The following CSMD1 variants were observed in gnomAD, a reference collection of about 807,000 sequenced individuals.
The protein encoded by CSMD1 is CUB and sushi domain-containing protein 1.
A neutral mutation model predicts 417.5 loss-of-function variants in CSMD1; 213 were observed. The ratio of observed to expected loss-of-function variants is 0.51; its 90% CI spans 0.46 to 0.57. The LOEUF (loss-of-function observed/expected upper bound fraction) is 0.57, where lower values mean the gene tolerates loss of function less well. Among genes scored for constraint, CSMD1 ranks in the 20% least tolerant of loss-of-function variants. CSMD1 has a pLI of 0.00. For missense variants in CSMD1, 6,923 were observed against 4,529.7 expected, an observed-to-expected ratio of 1.53 and a Z score of -15.17; for synonymous variants, 2,862 against 1,736.8, an observed-to-expected ratio of 1.65 and a Z score of -16.11.
chr8:4,471,137 A>C (rs1800507308), intron 2 of CSMD1, among the ~76,000 whole-genome samples: 2 of 152,222 alleles, frequency 1.3e-5, no homozygotes, highest in South Asian at 4.1e-4. Context: ...ATCCTTCAAC[A>C]GAACAGAACC....
chr8:3,292,660 T>C (rs1803666378), intron 25 of CSMD1, among the ~76,000 whole-genome samples: 1 of 152,226 alleles, frequency 6.6e-6, no homozygotes. Flanking sequence ...CCCTGCCTTT[T>C]TTGTTTTCCA....
At chr8:4,705,145 G>A (rs1237014973) in intron 1 of CSMD1, among the ~76,000 whole-genome samples, 1 of 152,058 alleles carries the variant, frequency 6.6e-6, no homozygotes, top group East Asian at 1.9e-4. Flanking sequence ...TGTGAAGAAG[G>A]TTCCTCCTTC....
chr8:4,360,683 C>G (rs146085258), intron 3 of CSMD1, among the ~76,000 whole-genome samples: 12 of 151,960 alleles, frequency 7.9e-5, no homozygotes, highest in African/African-American at 2.9e-4. Flanking sequence ...TTAGTGGACA[C>G]AGGGTTTCAA....
chr8:3,317,792 T>G (rs559161471), intron 23 of CSMD1, among the ~76,000 whole-genome samples: 1 of 152,178 alleles, frequency 6.6e-6, no homozygotes, highest in African/African-American at 2.4e-5. Context: ...TAAAATAAAG[T>G]TGCTACTGTA....
At chr8:4,455,654 G>T (rs1264814965) in intron 2 of CSMD1, among the ~76,000 whole-genome samples, 1 of 151,968 alleles carries the variant, frequency 6.6e-6, no homozygotes, top group Non-Finnish European at 1.5e-5. Context: ...ATTGAGGCCA[G>T]ATACAGTGGC....
chr8:4,827,233 G>A (rs1004106539), intron 1 of CSMD1, among the ~76,000 whole-genome samples: 1 of 152,016 alleles, frequency 6.6e-6, no homozygotes, highest in African/African-American at 2.4e-5. Flanking sequence ...TTTTTCACAG[G>A]TATTTTTGTA....
intron 50 of CSMD1, among the ~76,000 whole-genome samples, chr8:3,039,602 T>G (rs1169270660): frequency 6.6e-6 from 1 of 151,962 alleles, no homozygotes; most frequent in East Asian, 1.9e-4. Flanking sequence ...TTCCACCACT[T>G]GTACTAACCT....
intron 7 of CSMD1, among the ~76,000 whole-genome samples, chr8:3,665,123 G>C (rs187650666): frequency 3.9e-5 from 6 of 152,206 alleles, no homozygotes; most frequent in East Asian, 1.9e-4. Context: ...AAAGTTTCAG[G>C]TGATTAGGAA....
chr8:4,738,176 T>C (rs1249734227), intron 1 of CSMD1, among the ~76,000 whole-genome samples: 1 of 152,212 alleles, frequency 6.6e-6, no homozygotes, highest in Non-Finnish European at 1.5e-5. Context: ...TTATTTGGTT[T>C]GATAGACTTT....
chr8:4,018,080 C>G (rs980096241), intron 4 of CSMD1, among the ~76,000 whole-genome samples: 7 of 152,142 alleles, frequency 4.6e-5, no homozygotes, highest in Non-Finnish European at 1.0e-4. Context: ...CAAAAATAAG[C>G]TGGTTATTAT....
At chr8:4,991,447 C>A (rs1811456917) in intron 1 of CSMD1, among the ~76,000 whole-genome samples, 2 of 152,242 alleles carry the variant, frequency 1.3e-5, no homozygotes, top group East Asian at 1.9e-4. Context: ...ACCTCAACTG[C>A]GACCGCCTCC....
chr8:3,263,427 C>T (rs1008623419), intron 26 of CSMD1, among the ~76,000 whole-genome samples: 1 of 152,138 alleles, frequency 6.6e-6, no homozygotes, highest in Non-Finnish European at 1.5e-5. Context: ...CAGTTGTATT[C>T]TAATTCCCCT....
intron 1 of CSMD1, among the ~76,000 whole-genome samples, chr8:4,946,628 T>G (rs1042644820): frequency 1.3e-5 from 2 of 152,206 alleles, no homozygotes; most frequent in African/African-American, 4.8e-5. Flanking sequence ...ACTAAATTTA[T>G]GCCATATTTA....
chr8:3,917,274 T>A (rs1455444031), intron 5 of CSMD1, among the ~76,000 whole-genome samples: 1 of 152,136 alleles, frequency 6.6e-6, no homozygotes, highest in African/African-American at 2.4e-5. Flanking sequence ...ATGAACGAAC[T>A]GAAGTTCCTG....
At chr8:4,927,355 GC>G (rs1283701963) in intron 1 of CSMD1, among the ~76,000 whole-genome samples, 1 of 151,976 alleles carries the variant, frequency 6.6e-6, no homozygotes, top group African/African-American at 2.4e-5. Context: ...ACCACGCCCG[GC>G]CAAATGCATT....
At chr8:4,387,313 C>T (rs1803517511) in intron 3 of CSMD1, among the ~76,000 whole-genome samples, 1 of 151,810 alleles carries the variant, frequency 6.6e-6, no homozygotes, top group African/African-American at 2.4e-5. Flanking sequence ...ATAGTAATTC[C>T]TGAAACAATT....
intron 5 of CSMD1, among the ~76,000 whole-genome samples, chr8:3,976,662 T>G (rs1000934682): frequency 1.3e-5 from 2 of 152,210 alleles, no homozygotes; most frequent in Non-Finnish European, 2.9e-5. Context: ...ACTGACAGCT[T>G]TCTTGCGCAT....
chr8:3,937,967 A>G (rs1453483539), intron 5 of CSMD1, among the ~76,000 whole-genome samples: 1 of 152,218 alleles, frequency 6.6e-6, no homozygotes, highest in African/African-American at 2.4e-5. Context: ...CGGTGACCAT[A>G]TTAAGTTATA....
chr8:4,894,082 G>C (rs917800685), intron 1 of CSMD1, among the ~76,000 whole-genome samples: 3 of 151,920 alleles, frequency 2.0e-5, no homozygotes, highest in African/African-American at 7.3e-5. Flanking sequence ...ATTTTAACTA[G>C]CTTACCAAAA....
Sources: allele counts gnomAD v4.1 joint callset (sites outside exome capture counted in the v4.1 genomes callset), GRCh38; gene constraint gnomAD v4.1.1; transcripts MANE v1.5; gene names NCBI Gene and HGNC (gene_info 2026-07-23, HGNC 2026-07-21).